The following DNAH9 variants were observed in gnomAD, a reference collection of about 807,000 sequenced individuals.
The protein encoded by DNAH9 is DNAH9 variant protein.
DNAH9 carries 345 observed loss-of-function variants against 471.6 expected under a neutral mutation model. That is an observed-to-expected ratio of 0.73 (90% CI 0.67 to 0.80). The LOEUF (loss-of-function observed/expected upper bound fraction) is 0.80. Ranked by LOEUF, DNAH9 falls within the 30% of genes least tolerant of loss-of-function variation. The pLI, the probability that DNAH9 is intolerant of heterozygous loss-of-function variation, is 0.00. For missense variants in DNAH9, 5,407 were observed against 5,609.2 expected, an observed-to-expected ratio of 0.96 and a Z score of 1.15; for synonymous variants, 2,093 against 2,123.6, an observed-to-expected ratio of 0.99 and a Z score of 0.40.
At position 11,598,799 on chromosome 17, in the gene DNAH9, C is replaced by T; in HGVS notation, c.301C>T (p.Leu101Phe). ...PESGLAGAKALFFLRTGPEPP... is the reference protein window; with the variant it reads ...PESGLAGAKAFFFLRTGPEPP... ...GTCGGGCCTGGCTGGCGCTAAGGCGCTTTTTTTCCTTCGCACCGGGCCCGA... is the reference window on the plus strand; with the variant it reads ...GTCGGGCCTGGCTGGCGCTAAGGCGTTTTTTTTCCTTCGCACCGGGCCCGA... The change falls in exon 1 of 69, where the codon CTT becomes TTT. Residue 101 changes from leucine to phenylalanine, a missense_variant. By Grantham distance (22) the Leu-to-Phe change is conservative. Transcript: ENST00000262442. The T allele has an allele frequency of 2.0e-6, 3 of 1,479,804 alleles. No individual in the cohort carries two copies. The highest frequency in any genetic ancestry group is 2.7e-6 in the Non-Finnish European group (3 of 1,118,908). 91.7% of individuals were successfully genotyped at this position (1,479,804 alleles called of 1,614,324 possible).
intron 35 of DNAH9, among the ~76,000 whole-genome samples, chr17:11,759,685 C>T (rs564168262): frequency 3.8e-3 from 520 of 135,504 alleles, no homozygotes; most frequent in Non-Finnish European, 6.9e-3. Context: ...ACCATGCCCA[C>T]CTAATTTTTT....
At chr17:11,913,731 G>A (rs1425171760) in intron 61 of DNAH9, among the ~76,000 whole-genome samples, 4 of 150,518 alleles carry the variant, frequency 2.7e-5, no homozygotes, top group Admixed American at 1.3e-4. Context: ...GCAGTGAGAC[G>A]AGATTGCACC....
At chr17:11,713,548 A>C (rs1304814198) in intron 26 of DNAH9, among the ~76,000 whole-genome samples, 1 of 151,900 alleles carries the variant, frequency 6.6e-6, no homozygotes. Flanking sequence ...TTTTCTCCTC[A>C]ACCTCACCAG....
intron 17 of DNAH9, among the ~76,000 whole-genome samples, chr17:11,677,302 G>C (rs568929728): frequency 6.6e-6 from 1 of 151,648 alleles, no homozygotes; most frequent in South Asian, 2.1e-4. Context: ...GTAAATTTTT[G>C]CTTCATATAT....
At position 11,907,371 on chromosome 17, in the gene DNAH9, G is replaced by A. The variant is rs565221875; in HGVS notation, c.11749+1562G>A. ...TGTAATCCCAGCCACTCAGGAGGCT[G>A]AGGCAGGAGAATCGCTTGAACCCAG... On this transcript the variant is annotated intron_variant, in intron 61 of 68. Transcript: ENST00000262442. Among the ~76,000 whole-genome samples the A allele has an allele frequency of 3.3e-5, 5 of 152,018 alleles. No individual in the cohort carries two copies. The South Asian group carries it at 6.2e-4, about 19-fold the overall frequency.
At chr17:11,611,269 C>T (rs2072631619) in intron 3 of DNAH9, among the ~76,000 whole-genome samples, 1 of 152,210 alleles carries the variant, frequency 6.6e-6, no homozygotes, top group African/African-American at 2.4e-5. Flanking sequence ...CTGAGATGCC[C>T]CATGCTCTTG....
intron 6 of DNAH9, among the ~76,000 whole-genome samples, chr17:11,620,976 C>T (rs985839451): frequency 6.6e-6 from 1 of 152,086 alleles, no homozygotes; most frequent in Non-Finnish European, 1.5e-5. Context: ...TTTCAATTCT[C>T]AAAACTTAAT....
At chr17:11,696,924 C>T (rs1021944961) in intron 22 of DNAH9, among the ~76,000 whole-genome samples, 2 of 151,982 alleles carry the variant, frequency 1.3e-5, no homozygotes, top group African/African-American at 4.8e-5. Flanking sequence ...GGCTGGAGTG[C>T]AGTGGCATGA....
chr17:11,921,627 T>C (rs1451101375), intron 61 of DNAH9, among the ~76,000 whole-genome samples: 3 of 152,098 alleles, frequency 2.0e-5, no homozygotes, highest in Admixed American at 6.5e-5. Flanking sequence ...AGCCTCACAG[T>C]TGCAAAGGGA....
chr17:11,704,251 G>T lies in DNAH9; in HGVS notation c.5200G>T (p.Ala1734Ser), dbSNP rs373794739. ...QIWWTTEVGM[A>S]FARLEEGYES... ...CTGGTGGACAACAGAAGTGGGCATGGCATTTGCCAGGCTGGAGGAAGGCTA... is the reference window on the plus strand; with the variant it reads ...CTGGTGGACAACAGAAGTGGGCATGTCATTTGCCAGGCTGGAGGAAGGCTA... The change falls in exon 25 of 69, where the codon GCA becomes TCA. Residue 1734 changes from alanine (A) to serine (S), a missense_variant. By Grantham distance (99) the Ala-to-Ser change is moderately conservative (BLOSUM62 1). Transcript: ENST00000262442. 8 of 1,614,044 alleles carry T rather than the reference G, an allele frequency of 5.0e-6. No individual in the cohort carries two copies. Among genetic ancestry groups the T allele is most frequent in the Non-Finnish European group, 6.8e-6 (8 of 1,180,012 alleles).
chr17:11,961,256 A>G (rs1344808391), intron 67 of DNAH9, among the ~76,000 whole-genome samples: 1 of 152,190 alleles, frequency 6.6e-6, no homozygotes, highest in African/African-American at 2.4e-5. Flanking sequence ...CGGAGGTTGC[A>G]GTGAGCAGAG....
At position 11,778,329 on chromosome 17, in the gene DNAH9, CAAAAAAAAAAAAAA is replaced by C. The variant is rs57983162; in HGVS notation, c.7553-2660_7553-2647del. ...TGGGCGACAGAGTGAGACTCCATCT[CAAAAAAAAAAAAAA>C]AAAAAAAAAAAAAAAAAAAGAAAAG... On this transcript the variant is annotated intron_variant, in intron 38 of 68. Transcript: ENST00000262442. 7.7e-3 allele frequency among the ~76,000 whole-genome samples: 375 copies of C among 48,618 alleles called. 2 individuals carry two copies. Among genetic ancestry groups the C allele is most frequent in the Middle Eastern group, 0.026 (1 of 38 alleles). The allele number at this position is 48,618 out of a possible 152,430, so 31.9% of individuals were successfully genotyped here.
At chr17:11,728,634 A>G (rs1258463982) in intron 28 of DNAH9, among the ~76,000 whole-genome samples, 1 of 152,124 alleles carries the variant, frequency 6.6e-6, no homozygotes, top group African/African-American at 2.4e-5. Flanking sequence ...CAAATGCATT[A>G]CATTGAAAAG....
At chr17:11,701,773 A>C (rs2074602394) in intron 24 of DNAH9, among the ~76,000 whole-genome samples, 1 of 152,030 alleles carries the variant, frequency 6.6e-6, no homozygotes, top group Non-Finnish European at 1.5e-5. Flanking sequence ...CCACCTCCCA[A>C]GTTCAAGCCA....
chr17:11,617,603 G>A lies in DNAH9; in HGVS notation c.1097G>A (p.Cys366Tyr), dbSNP rs1277133452. The A allele has an allele frequency of 6.2e-7, 1 of 1,614,040 alleles. No homozygotes were observed. Among genetic ancestry groups the A allele is most frequent in the South Asian group, 1.1e-5 (1 of 91,078 alleles). ...GRLTVLLQEI[C>Y]NLLIQQASNY... is the part of the protein sequence containing the mutation. ...CTGACTGTGCTGCTCCAGGAGATTTGCAACCTTCTCATCCAGCAGGTGGGC... is the reference window on the plus strand; with the variant it reads ...CTGACTGTGCTGCTCCAGGAGATTTACAACCTTCTCATCCAGCAGGTGGGC... The change falls in exon 5 of 69, where the codon TGC (cysteine) becomes TAC (tyrosine). Residue 366 changes from cysteine (C) to tyrosine (Y), a missense_variant. Cys to Tyr is a radical substitution (Grantham distance 194). Transcript: ENST00000262442.
chr17:11,843,863 G>GTGTGTATATATATATATATATA (rs1253794533), intron 49 of DNAH9, among the ~76,000 whole-genome samples: 51 of 46,458 alleles, frequency 1.1e-3, no homozygotes, highest in Non-Finnish European at 1.5e-3. Flanking sequence ...GTGTGTGTGT[G>GTGTGTATATATATATATATATA]TATATATATA....
intron 17 of DNAH9, among the ~76,000 whole-genome samples, chr17:11,676,884 T>G (rs1049191899): frequency 6.6e-6 from 1 of 152,242 alleles, no homozygotes; most frequent in Admixed American, 6.5e-5. Context: ...AATTTAGTTC[T>G]AAATACTTTT....
intron 10 of DNAH9, among the ~76,000 whole-genome samples, chr17:11,641,496 T>C (rs957724822): frequency 1.3e-5 from 2 of 151,776 alleles, no homozygotes; most frequent in African/African-American, 4.8e-5. Flanking sequence ...GATGAAGAAA[T>C]GGAGGAAATG....
At position 11,752,271 on chromosome 17, in the gene DNAH9, T is replaced by G. The variant is rs192671946; in HGVS notation, c.6611-562T>G. Among the ~76,000 whole-genome samples the G allele has an allele frequency of 1.4e-4, 21 of 152,354 alleles. No homozygotes were observed. In the East Asian group the frequency reaches 3.5e-3, roughly 25 times the overall value. ...CTGCAATTACAAAGCATGAAAACTC[T>G]ACCTTAAAAAGTTTAATGTAGTTTC... On this transcript the variant is annotated intron_variant, in intron 32 of 68. Transcript: ENST00000262442.
Sources: gnomAD v4.1 joint callset for allele counts (sites outside exome capture counted in the v4.1 genomes callset) on GRCh38, gnomAD v4.1.1 for gene constraint, MANE v1.5 for transcripts, NCBI Gene and HGNC (gene_info 2026-07-23, HGNC 2026-07-21) for gene names.